CYRIA: variants seen among roughly 807,000 people sequenced by gnomAD.
CYRIA encodes CYFIP-related Rac1 interactor A.
In CYRIA, 15 loss-of-function variants were observed where a neutral mutation model predicts 43.9. The ratio of observed to expected loss-of-function variants is 0.34; its 90% CI spans 0.23 to 0.53. The LOEUF (loss-of-function observed/expected upper bound fraction) is 0.53, where lower values mean the gene tolerates loss of function less well. Among genes scored for constraint, CYRIA ranks in the 20% least tolerant of loss-of-function variants. The pLI, the probability that CYRIA is intolerant of heterozygous loss-of-function variation, is 0.94. For synonymous variants in CYRIA, 117 were observed against 136.0 expected (o/e 0.86, Z 0.97); for missense variants, 236 against 394.2 (o/e 0.60, Z 3.40).
chr2:16,564,866 TAA>T (rs1370072291), intron 4 of CYRIA, among the ~76,000 whole-genome samples: 1 of 152,218 alleles, frequency 6.6e-6, no homozygotes, highest in African/African-American at 2.4e-5. Flanking sequence ...GAAAATCTCA[TAA>T]GACATTTGAG....
At chr2:16,633,741 G>T (rs974592) in intron 1 of CYRIA, among the ~76,000 whole-genome samples, 6 of 151,472 alleles carry the variant, frequency 4.0e-5, no homozygotes, top group Non-Finnish European at 8.8e-5. Flanking sequence ...ATCCTGCTTG[G>T]GCTGTGGCCC....
chr2:16,578,944 A>G (rs1022066558), intron 3 of CYRIA, among the ~76,000 whole-genome samples: 1 of 152,144 alleles, frequency 6.6e-6, no homozygotes, highest in African/African-American at 2.4e-5. Flanking sequence ...GGATAATTAC[A>G]AAGAAAACAT....
At chr2:16,555,735 T>A (rs981567836) in intron 10 of CYRIA, among the ~76,000 whole-genome samples, 13 of 152,092 alleles carry the variant, frequency 8.5e-5, no homozygotes, top group Non-Finnish European at 1.8e-4. Flanking sequence ...GACTCTGTCA[T>A]TTATCAGAGA....
intron 1 of CYRIA, among the ~76,000 whole-genome samples, chr2:16,648,883 C>T (rs112780791): frequency 6.6e-6 from 1 of 152,308 alleles, no homozygotes; most frequent in Non-Finnish European, 1.5e-5. Context: ...GACATAAGCT[C>T]CATTCTTAGT....
intron 2 of CYRIA, among the ~76,000 whole-genome samples, chr2:16,622,522 G>A (rs1669029823): frequency 6.6e-6 from 1 of 152,220 alleles, no homozygotes; most frequent in African/African-American, 2.4e-5. Flanking sequence ...AAAAGGGTAG[G>A]TAGGGAAAGG....
intron 3 of CYRIA, among the ~76,000 whole-genome samples, chr2:16,579,611 T>C (rs1450960200): frequency 6.6e-6 from 1 of 152,148 alleles, no homozygotes; most frequent in African/African-American, 2.4e-5. Flanking sequence ...TTCTTTACTA[T>C]GTAAAGAATA....
chr2:16,586,420 T>G (rs906860401), intron 3 of CYRIA, among the ~76,000 whole-genome samples: 6 of 152,058 alleles, frequency 3.9e-5, no homozygotes, highest in African/African-American at 1.4e-4. Flanking sequence ...TATCAAAAGT[T>G]AAACCAGTAA....
At chr2:16,638,577 G>A (rs1457511872) in intron 1 of CYRIA, among the ~76,000 whole-genome samples, 1 of 152,180 alleles carries the variant, frequency 6.6e-6, no homozygotes, top group Non-Finnish European at 1.5e-5. Context: ...CTGCATGAAG[G>A]GGTGTGGCTG....
At chr2:16,660,437 G>A (rs961677615) in intron 1 of CYRIA, among the ~76,000 whole-genome samples, 1 of 152,126 alleles carries the variant, frequency 6.6e-6, no homozygotes, top group Non-Finnish European at 1.5e-5. Context: ...ATTGAAGTAA[G>A]AGTCAAAACA....
intron 1 of CYRIA, among the ~76,000 whole-genome samples, chr2:16,648,537 G>T (rs1327580526): frequency 6.6e-6 from 1 of 152,188 alleles, no homozygotes; most frequent in South Asian, 2.1e-4. Context: ...TCAGCAAAAG[G>T]CTTTGTGGAT....
At chr2:16,656,375 C>T (rs1670113385) in intron 1 of CYRIA, among the ~76,000 whole-genome samples, 1 of 152,208 alleles carries the variant, frequency 6.6e-6, no homozygotes, top group Admixed American at 6.5e-5. Flanking sequence ...TACTTATACA[C>T]TCACAAGTCC....
chr2:16,590,374 A>G (rs1667884778), intron 2 of CYRIA, among the ~76,000 whole-genome samples: 2 of 152,162 alleles, frequency 1.3e-5, no homozygotes, highest in Non-Finnish European at 2.9e-5. Flanking sequence ...CACTTCTTGT[A>G]GGAAGATGAT....
At chr2:16,646,356 C>T (rs557446510) in intron 1 of CYRIA, among the ~76,000 whole-genome samples, 39 of 152,320 alleles carry the variant, frequency 2.6e-4, no homozygotes, top group Middle Eastern at 6.8e-3. Flanking sequence ...TTGAAAATCC[C>T]TTATCAAGAT....
chr2:16,621,309 A>G (rs1668986492), intron 2 of CYRIA, among the ~76,000 whole-genome samples: 2 of 152,222 alleles, frequency 1.3e-5, no homozygotes, highest in Admixed American at 1.3e-4. Flanking sequence ...TGACTCTATG[A>G]TGATCAAATT....
chr2:16,588,085 A>G lies in CYRIA; in HGVS notation c.35T>C (p.Ile12Thr). ...GNLLKVLTRE[I>T]ENYPHFFLDF... Reference sequence around the variant, plus strand: ...CAGGAAAAAGTGTGGATAGTTTTCAATTTCCCTGGTAAGGACTTTGAGCAG... The same window carrying G: ...CAGGAAAAAGTGTGGATAGTTTTCAGTTTCCCTGGTAAGGACTTTGAGCAG... The change falls in exon 3 of 12, where the codon ATT becomes ACT. Residue 12 changes from isoleucine (I) to threonine (T), a missense_variant. By Grantham distance (89) the Ile-to-Thr change is moderately conservative. This residue lies in a region of CYRIA where 193 missense variants were observed against 303.9 expected (regional missense o/e 0.64). Transcript: ENST00000381323. The G allele has an allele frequency of 1.2e-6, 2 of 1,608,256 alleles. No homozygotes were observed. The highest frequency in any genetic ancestry group is 1.7e-6 in the Non-Finnish European group (2 of 1,177,288).
In CYRIA at chr2:16,599,716, T is replaced by C. The variant is rs182534585; in HGVS notation, c.-10-11587A>G. On this transcript the variant is annotated intron_variant, in intron 2 of 11. Transcript: ENST00000381323. ...TCTGCGTCACTCACGCTGGGAGCTG[T>C]AGACCGGAGCTGTTCCTATTCGGCC... Among the ~76,000 whole-genome samples, 289 of 152,022 alleles carry C rather than the reference T, an allele frequency of 1.9e-3. 2 individuals carry two copies. Among genetic ancestry groups the C allele is most frequent in the African/African-American group, 5.0e-3 (207 of 41,418 alleles).
chr2:16,571,559 T>C (rs1256200052), intron 3 of CYRIA, among the ~76,000 whole-genome samples: 1 of 152,234 alleles, frequency 6.6e-6, no homozygotes, highest in Non-Finnish European at 1.5e-5. Context: ...TAACAACCCG[T>C]TTAGGACTGT....
In CYRIA at chr2:16,576,239, G is replaced by C. The variant is rs79727063; in HGVS notation, c.71-10472C>G. On this transcript the variant is annotated intron_variant, in intron 3 of 11. Coordinates refer to ENST00000381323, the MANE Select transcript of CYRIA (RefSeq NM_030797.4). ...TTCAGAAAGCATTTATTGGGTACTT[G>C]TTATATGCCTACCACAGTGACAGGT... 9.5e-3 allele frequency among the ~76,000 whole-genome samples: 1,454 copies of C among 152,286 alleles called. 18 individuals carry two copies. Among genetic ancestry groups the C allele is most frequent in the African/African-American group, 0.031 (1,297 of 41,560 alleles).
intron 11 of CYRIA, among the ~76,000 whole-genome samples, chr2:16,553,550 T>C (rs1386525178): frequency 6.6e-6 from 1 of 152,158 alleles, no homozygotes. Flanking sequence ...AATAAAACTT[T>C]GGCCAGGTCA....
Sources: gnomAD v4.1 joint callset for allele counts (sites outside exome capture counted in the v4.1 genomes callset) on GRCh38, gnomAD v4.1.1 for gene constraint, gnomAD v4.1.1 regional missense constraint, MANE v1.5 for transcripts, NCBI Gene and HGNC (gene_info 2026-07-23, HGNC 2026-07-21) for gene names.